USH2A: variants seen among roughly 807,000 people sequenced by gnomAD.
USH2A encodes the protein Usher syndrome 2A (autosomal recessive, mild).
USH2A carries 443 observed loss-of-function variants against 538.9 expected under a neutral mutation model. The ratio of observed to expected loss-of-function variants is 0.82; its 90% CI spans 0.76 to 0.89. The LOEUF is 0.89. USH2A is among the 40% of genes least tolerant of loss of function. The probability of loss-of-function intolerance (pLI) is 0.00; values close to 1 mark genes in which losing one functional copy is unlikely to be tolerated. For missense variants in USH2A, 6,633 were observed against 6,324.8 expected (o/e 1.05, Z -1.65); for synonymous variants, 2,413 against 2,273.5 (o/e 1.06, Z -1.75).
intron 36 of USH2A, among the ~76,000 whole-genome samples, chr1:215,968,809 C>T (rs569013697): frequency 7.2e-5 from 11 of 152,140 alleles, no homozygotes; most frequent in East Asian, 3.9e-4. Flanking sequence ...GTCATAGCAT[C>T]GGGCTCTATT....
chr1:216,220,411 C>T (rs1014037436), intron 14 of USH2A, among the ~76,000 whole-genome samples: 20 of 146,114 alleles, frequency 1.4e-4, no homozygotes, highest in Admixed American at 1.3e-3. Context: ...CAAGAAAAAA[C>T]GGAAACAGCA....
chr1:215,789,015 C>T (rs971017539), intron 51 of USH2A, among the ~76,000 whole-genome samples: 3 of 151,896 alleles, frequency 2.0e-5, no homozygotes, highest in Admixed American at 6.6e-5. Flanking sequence ...TAGGGAAGAC[C>T]GAATGGGCCA....
intron 4 of USH2A, among the ~76,000 whole-genome samples, chr1:216,357,178 T>C (rs931305135): frequency 2.6e-5 from 4 of 152,156 alleles, no homozygotes; most frequent in Non-Finnish European, 5.9e-5. Flanking sequence ...TTGAGAGAGC[T>C]ACATTAACAT....
Position 216,113,155 on chromosome 1 carries a change from AAC to A in USH2A, c.4628-15944_4628-15943del, listed in dbSNP as rs552088995. Among the ~76,000 whole-genome samples the A allele has an allele frequency of 5.5e-3, 806 of 147,576 alleles. 4 individuals are homozygous for A. The highest frequency in any genetic ancestry group is 0.018 in the African/African-American group (721 of 39,778). ...CAAATGATAAAAAAAAAAAAAAAAA[AAC>A]AAAACAAGAAAGTAATATCCACCAG... On this transcript the variant is annotated intron_variant, in intron 21 of 71. Coordinates refer to ENST00000307340, the MANE Select transcript of USH2A (RefSeq NM_206933.4).
At chr1:215,794,911 T>C (rs932183494) in intron 50 of USH2A, among the ~76,000 whole-genome samples, 2 of 152,214 alleles carry the variant, frequency 1.3e-5, no homozygotes, top group Non-Finnish European at 2.9e-5. Context: ...GAGTGAGGGT[T>C]TGTAACTTCC....
At chr1:216,080,436 A>G (rs537565557) in intron 26 of USH2A, among the ~76,000 whole-genome samples, 2 of 152,020 alleles carry the variant, frequency 1.3e-5, no homozygotes, top group Non-Finnish European at 2.9e-5. Context: ...GGGCTAGGAA[A>G]TGTGGGGGTC....
chr1:215,687,047 T>C (rs1386565816), intron 61 of USH2A, among the ~76,000 whole-genome samples: 1 of 152,066 alleles, frequency 6.6e-6, no homozygotes, highest in African/African-American at 2.4e-5. Flanking sequence ...AGTGGAACCC[T>C]CTACACCCTT....
chr1:215,928,525 A>C (rs944129168), intron 38 of USH2A, among the ~76,000 whole-genome samples: 1 of 152,154 alleles, frequency 6.6e-6, no homozygotes, highest in African/African-American at 2.4e-5. Flanking sequence ...TTAGACATTT[A>C]TGGAAGATTG....
intron 26 of USH2A, among the ~76,000 whole-genome samples, chr1:216,079,365 G>C (rs973838066): frequency 6.6e-6 from 1 of 152,132 alleles, no homozygotes; most frequent in Non-Finnish European, 1.5e-5. Flanking sequence ...GACAAGAAAG[G>C]AGTAAAGTGA....
chr1:216,225,913 G>A (rs566909072), intron 14 of USH2A, among the ~76,000 whole-genome samples: 1 of 152,264 alleles, frequency 6.6e-6, no homozygotes, highest in East Asian at 1.9e-4. Context: ...GTGCGTGGCA[G>A]GCATCTGAAT....
chr1:216,017,424 CTT>C (rs1165378288), intron 32 of USH2A, among the ~76,000 whole-genome samples: 2 of 152,208 alleles, frequency 1.3e-5, no homozygotes, highest in South Asian at 2.1e-4. Context: ...TTTGAACAAA[CTT>C]AGTTGCATAA....
chr1:216,062,615 A>G (rs1420677231), intron 30 of USH2A, among the ~76,000 whole-genome samples: 1 of 152,162 alleles, frequency 6.6e-6, no homozygotes, highest in East Asian at 1.9e-4. Flanking sequence ...TAAGGTTTTC[A>G]TCCCCAATTT....
At chr1:215,647,481 T>C in intron 67 of USH2A, 41 bp downstream of exon 67, 1 of 1,611,778 alleles carries the variant, frequency 6.2e-7, no homozygotes, top group South Asian at 1.1e-5. Context: ...CTGACCACAT[T>C]CCAATCTCTC....
chr1:215,910,243 T>G (rs984676014), intron 38 of USH2A, among the ~76,000 whole-genome samples: 3 of 152,036 alleles, frequency 2.0e-5, no homozygotes, highest in Non-Finnish European at 2.9e-5. Context: ...CAATTAGCAC[T>G]TTTTACATTT....
intron 71 of USH2A, among the ~76,000 whole-genome samples, chr1:215,626,358 T>C (rs930160603): frequency 6.6e-6 from 1 of 151,268 alleles, no homozygotes; most frequent in Admixed American, 6.6e-5. Flanking sequence ...GAGATGGGGT[T>C]TCACCATGTT....
rs1309313684 is a variant in USH2A at position 215,674,442 on chromosome 1, A to G, written c.13469T>C (p.Leu4490Ser). The change falls in exon 63 of 72, where the codon TTG becomes TCG. Residue 4490 changes from leucine (L) to serine (S), a missense_variant. Leu to Ser is a moderately radical substitution (Grantham distance 145, BLOSUM62 -2). Coordinates refer to ENST00000307340, the MANE Select transcript of USH2A (RefSeq NM_206933.4). ...AGTAAAATCACGATAGCGTGTTTCC[A>G]AGCCTGTATATACAATGGTTCCATC... is the stretch of plus-strand genomic sequence containing the variant. The part of the protein sequence containing the change: ...RRDGTIVYTG[L>S]ETRYRDFTLT... The G allele has an allele frequency of 1.2e-6, 2 of 1,614,130 alleles. No homozygotes were observed. The highest frequency in any genetic ancestry group is 1.7e-6 in the Non-Finnish European group (2 of 1,180,024).
chr1:216,009,809 C>T (rs1365834394), intron 32 of USH2A, among the ~76,000 whole-genome samples: 1 of 152,138 alleles, frequency 6.6e-6, no homozygotes, highest in Non-Finnish European at 1.5e-5. Context: ...CCATGACTAG[C>T]CCTCCCCAAC....
chr1:216,314,146 G>A (rs2037468343), intron 9 of USH2A, among the ~76,000 whole-genome samples: 1 of 151,890 alleles, frequency 6.6e-6, no homozygotes, highest in South Asian at 2.1e-4. Context: ...CTTTTACTAT[G>A]TTTATACTTT....
intron 35 of USH2A, among the ~76,000 whole-genome samples, chr1:215,974,776 T>C (rs1667583601): frequency 6.6e-6 from 1 of 152,204 alleles, no homozygotes; most frequent in South Asian, 2.1e-4. Flanking sequence ...GTCTTTGCTC[T>C]TGTGACTAGT....
Sources: gnomAD v4.1 joint callset for allele counts (sites outside exome capture counted in the v4.1 genomes callset) on GRCh38, gnomAD v4.1.1 for gene constraint, MANE v1.5 for transcripts, NCBI Gene and HGNC (gene_info 2026-07-23, HGNC 2026-07-21) for gene names.